NOTCH2NLR: variants seen among roughly 807,000 people sequenced by gnomAD.
The protein encoded by NOTCH2NLR is notch 2 N-terminal like R (pseudogene).
A neutral mutation model predicts 35.6 loss-of-function variants in NOTCH2NLR; 33 were observed. That is an observed-to-expected ratio of 0.93 (90% CI 0.70 to 1.24). The LOEUF (loss-of-function observed/expected upper bound fraction) is 1.24. Among genes scored for constraint, NOTCH2NLR ranks in the 50% most tolerant of loss-of-function variants. NOTCH2NLR has a pLI of 0.00. For synonymous variants in NOTCH2NLR, 103 were observed against 141.0 expected, an observed-to-expected ratio of 0.73 and a Z score of 1.91; for missense variants, 276 against 362.2, an observed-to-expected ratio of 0.76 and a Z score of 1.93.
intron 1 of NOTCH2NLR, among the ~76,000 whole-genome samples, chr1:120,734,373 GA>G (rs1650893162): frequency 2.8e-5 from 2 of 70,996 alleles, no homozygotes; most frequent in South Asian, 4.2e-4. Context: ...ATCAACCAAG[GA>G]AGGAAACCTA....
intron 2 of NOTCH2NLR, among the ~76,000 whole-genome samples, chr1:120,765,862 C>G (rs1274202305): frequency 0.038 from 4,499 of 119,230 alleles, 366 homozygotes; most frequent in East Asian, 0.12. Flanking sequence ...CCATCATTCT[C>G]AGCAAACTAA....
chr1:120,769,087 T>C (rs1422919724), intron 2 of NOTCH2NLR, among the ~76,000 whole-genome samples: 1 of 135,942 alleles, frequency 7.4e-6, no homozygotes, highest in Non-Finnish European at 1.6e-5. Context: ...CTTGCCAGGA[T>C]TAGGCAGTCA....
rs1367799012 is a variant in NOTCH2NLR, at chr1:120,728,727, T to C, written c.73+4477T>C. On this transcript the variant is annotated intron_variant, in intron 1 of 4. Transcript: ENST00000624419. ...ACTAAGTTTATATTTATTTTGATAA[T>C]TTTTTTGAGATTTTTTTCATTGAGT... Among the ~76,000 whole-genome samples the C allele has an allele frequency of 9.4e-5, 11 of 117,552 alleles. 1 individual carries two copies. Among genetic ancestry groups the C allele is most frequent in the Non-Finnish European group, 1.8e-4 (11 of 61,304 alleles). The allele number at this position is 117,552 out of a possible 152,430, so 77.1% of individuals were successfully genotyped here.
intron 1 of NOTCH2NLR, among the ~76,000 whole-genome samples, chr1:120,752,554 A>AT (rs1188849971): frequency 0.017 from 62 of 3,746 alleles, 10 homozygotes; most frequent in Non-Finnish European, 0.017. Context: ...ATATATATAT[A>AT]TTTTTTTTTT....
rs1445924429 is a variant in NOTCH2NLR, at chr1:120,770,265, G to T, written c.155+6556G>T. ...GCTCACTGCAAGCTCCGCCTCCCGGGTTCATGCCATTCTCCTGCCTCAGCC... is the reference window on the plus strand; with the variant it reads ...GCTCACTGCAAGCTCCGCCTCCCGGTTTCATGCCATTCTCCTGCCTCAGCC... On this transcript the variant is annotated intron_variant, in intron 2 of 4. Coordinates refer to ENST00000624419, the Ensembl canonical transcript of NOTCH2NLR. Among the ~76,000 whole-genome samples the T allele has an allele frequency of 3.1e-4, 33 of 105,698 alleles. 4 individuals are homozygous for T. The highest frequency in any genetic ancestry group is 4.1e-4 in the Non-Finnish European group (23 of 56,746). 69.3% of individuals were successfully genotyped at this position (105,698 alleles called of 152,430 possible). A position where few individuals can be genotyped will look rare whatever the true frequency, so the allele number is the denominator to read the frequency against.
In NOTCH2NLR at chr1:120,790,577, T is replaced by G. The variant is rs1170726541; in HGVS notation, c.416-2584T>G. On this transcript the variant is annotated intron_variant, in intron 3 of 4. Coordinates refer to ENST00000624419, the Ensembl canonical transcript of NOTCH2NLR. ...CTTTCTTTCTTTCTTTCTTTCTTTC[T>G]TTCTTTCTTTCTTTCTCTTTCTCTC... Among the ~76,000 whole-genome samples the G allele has an allele frequency of 7.1e-4, 76 of 107,326 alleles. 11 individuals carry two copies. Among genetic ancestry groups the G allele is most frequent in the Middle Eastern group, 7.6e-3 (2 of 262 alleles). 70.4% of individuals were successfully genotyped at this position (107,326 alleles called of 152,430 possible).
intron 2 of NOTCH2NLR, among the ~76,000 whole-genome samples, chr1:120,768,136 G>T (rs1351626074): frequency 9.3e-6 from 1 of 107,834 alleles, no homozygotes; most frequent in Non-Finnish European, 1.7e-5. Context: ...TTTAGGACAC[G>T]TTAGGGTGGG....
At position 120,755,665 on chromosome 1, in the gene NOTCH2NLR, AT is replaced by A. The variant is rs1237405045; in HGVS notation, c.74-7956del. On this transcript the variant is annotated intron_variant, in intron 1 of 4. Coordinates refer to ENST00000624419, the Ensembl canonical transcript of NOTCH2NLR. Reference sequence around the variant, plus strand: ...CTAGATTTATCAGCTAACTGGAATGATTTTTTTATAGTATGAAAAGTCTATT... The same window carrying A: ...CTAGATTTATCAGCTAACTGGAATGATTTTTTATAGTATGAAAAGTCTATT... Among the ~76,000 whole-genome samples the A allele has an allele frequency of 4.4e-5, 4 of 91,802 alleles. 1 individual carries two copies. The highest frequency in any genetic ancestry group is 1.6e-4 in the African/African-American group (2 of 12,762). 60.2% of individuals were successfully genotyped at this position (91,802 alleles called of 152,430 possible).
rs1388479336 is a variant in NOTCH2NLR, at chr1:120,793,321, C to T, written c.576C>T (p.Cys192=). ...ATGAGTGTGACATTCCAGGACACTG[C>T]CAGCATGGTGGCACCTGCCTCAACC... Residue 192 remains cysteine, a synonymous_variant, in exon 4 of 5, where the codon TGC becomes TGT. Coordinates refer to ENST00000624419, the Ensembl canonical transcript of NOTCH2NLR. 4 of 1,405,698 alleles carry T rather than the reference C, an allele frequency of 2.8e-6. 1 individual carries two copies. Among genetic ancestry groups the T allele is most frequent in the African/African-American group, 5.5e-5 (2 of 36,596 alleles). 87.1% of individuals were successfully genotyped at this position (1,405,698 alleles called of 1,614,324 possible).
At chr1:120,788,437 G>T (rs1651447898) in intron 3 of NOTCH2NLR, among the ~76,000 whole-genome samples, 1 of 61,932 alleles carries the variant, frequency 1.6e-5, no homozygotes, top group Non-Finnish European at 2.9e-5. Context: ...GCGGGAACAG[G>T]AAGCAAACAT....
At position 120,759,794 on chromosome 1, in the gene NOTCH2NLR, G is replaced by T. The variant is rs1165740111; in HGVS notation, c.74-3834G>T. ...TAATACAATGTAGAACAATTAAAAG[G>T]TAGTGTATCCTTCATCTCAAATATT... On this transcript the variant is annotated intron_variant, in intron 1 of 4. Transcript: ENST00000624419. Among the ~76,000 whole-genome samples the T allele has an allele frequency of 1.7e-5, 2 of 115,960 alleles. 1 individual carries two copies. The highest frequency in any genetic ancestry group is 3.3e-5 in the Non-Finnish European group (2 of 61,082). The allele number at this position is 115,960 out of a possible 152,430, so 76.1% of individuals were successfully genotyped here.
intron 1 of NOTCH2NLR, among the ~76,000 whole-genome samples, chr1:120,737,757 A>G (rs1392204888): frequency 0.69 from 84,630 of 123,194 alleles, 35,638 homozygotes; most frequent in Non-Finnish European, 0.77. Flanking sequence ...ATTAGCCTGG[A>G]CTGGTGGAGT....
At chr1:120,769,345 C>A (rs1276326408) in intron 2 of NOTCH2NLR, among the ~76,000 whole-genome samples, 5 of 150,096 alleles carry the variant, frequency 3.3e-5, no homozygotes, top group Non-Finnish European at 5.9e-5. Context: ...TGAGTGCATT[C>A]AGGGAGGCAC....
At position 120,728,022 on chromosome 1, in the gene NOTCH2NLR, G is replaced by A. The variant is rs1185184552; in HGVS notation, c.73+3772G>A. Among the ~76,000 whole-genome samples the A allele has an allele frequency of 1.1e-4, 13 of 118,770 alleles. 2 individuals are homozygous for A. The highest frequency in any genetic ancestry group is 2.1e-4 in the Non-Finnish European group (13 of 61,300). The allele number at this position is 118,770 out of a possible 152,430, so 77.9% of individuals were successfully genotyped here. ...GATGTTCATTGTTCATGGTCACAGA[G>A]CCAATTAGAGTTGAGACTAGAATTC... On this transcript the variant is annotated intron_variant, in intron 1 of 4. Transcript: ENST00000624419.
chr1:120,770,401 C>T (rs1651249640), intron 2 of NOTCH2NLR, among the ~76,000 whole-genome samples: 1 of 111,464 alleles, frequency 9.0e-6, no homozygotes, highest in South Asian at 2.6e-4. Context: ...TATCTCCTGA[C>T]CTCATGATCT....
At position 120,743,757 on chromosome 1, in the gene NOTCH2NLR, A is replaced by T. The variant is rs1259539239; in HGVS notation, c.73+19507A>T. Among the ~76,000 whole-genome samples the T allele has an allele frequency of 1.7e-5, 2 of 120,714 alleles. 1 individual carries two copies. The highest frequency in any genetic ancestry group is 3.3e-5 in the Non-Finnish European group (2 of 59,750). The allele number at this position is 120,714 out of a possible 152,430, so 79.2% of individuals were successfully genotyped here. On this transcript the variant is annotated intron_variant, in intron 1 of 4. Transcript: ENST00000624419. ...GTTTGAAAAAACACCGTAAGCCTGC[A>T]TTCCAGAAGTTCTGGTATGGATAGT...
At position 120,724,288 on chromosome 1, in the gene NOTCH2NLR, G is replaced by A. The variant is rs1192375381; in HGVS notation, c.73+38G>A. 36 of 1,372,490 alleles carry A rather than the reference G, an allele frequency of 2.6e-5. 12 individuals are homozygous for A. The highest frequency in any genetic ancestry group is 5.3e-5 in the African/African-American group (2 of 37,408). 85.0% of individuals were successfully genotyped at this position (1,372,490 alleles called of 1,614,324 possible). A position where few individuals can be genotyped will look rare whatever the true frequency, so the allele number is the denominator to read the frequency against. ...CTGAGGGGCGCTGTCCGCGGCGCCC[G>A]GGGCTGCCACCTGGGGCGACCCTTC... On this transcript the variant is annotated intron_variant, in intron 1 of 4. Transcript: ENST00000624419.
chr1:120,769,183 A>AAGTAGAG (rs1165091146), intron 2 of NOTCH2NLR, among the ~76,000 whole-genome samples: 1 of 145,044 alleles, frequency 6.9e-6, no homozygotes, highest in African/African-American at 2.6e-5. Context: ...TCTGTATAGT[A>AAGTAGAG]AGTAGAGAGT....
At chr1:120,778,315 AG>A (rs1651322108) in intron 2 of NOTCH2NLR, among the ~76,000 whole-genome samples, 2 of 74,464 alleles carry the variant, frequency 2.7e-5, no homozygotes. Flanking sequence ...GGGGGCCAAG[AG>A]GCCCAGCGCA....
Sources: gnomAD v4.1 joint callset for allele counts (sites outside exome capture counted in the v4.1 genomes callset) on GRCh38, gnomAD v4.1.1 for gene constraint, MANE v1.5 for transcripts, NCBI Gene and HGNC (gene_info 2026-07-23, HGNC 2026-07-21) for gene names.